GLDN: variants seen among roughly 807,000 people sequenced by gnomAD.
GLDN encodes collomin.
GLDN carries 47 observed loss-of-function variants against 56.5 expected under a neutral mutation model. The observed-to-expected ratio is 0.83, with a 90% CI of 0.66 to 1.06. The LOEUF (loss-of-function observed/expected upper bound fraction) is 1.06, where lower values mean the gene tolerates loss of function less well. GLDN is among the 50% of genes least tolerant of loss of function. GLDN has a pLI of 0.00. For missense variants in GLDN, 782 were observed against 714.3 expected (o/e 1.09, Z -1.08); for synonymous variants, 332 against 278.8 (o/e 1.19, Z -1.90).
At chr15:51,388,771 G>A in intron 4 of GLDN, among the ~76,000 whole-genome samples, 1 of 152,226 alleles carries the variant, frequency 6.6e-6, no homozygotes, top group Non-Finnish European at 1.5e-5. Context: ...GGGCCCTGTT[G>A]TGAGAGCAGG....
chr15:51,398,564 A>G (rs1361553758), intron 6 of GLDN, among the ~76,000 whole-genome samples: 2 of 152,262 alleles, frequency 1.3e-5, no homozygotes, highest in African/African-American at 2.4e-5. Context: ...TTTCCTAAAC[A>G]GTCTTGAGTT....
At chr15:51,397,625 A>G in intron 6 of GLDN, 27 bp downstream of exon 6, 1 of 1,527,626 alleles carries the variant, frequency 6.5e-7, no homozygotes, top group Non-Finnish European at 8.8e-7. Flanking sequence ...TACGGGGCCC[A>G]CCTCTTCTGT....
intron 4 of GLDN, among the ~76,000 whole-genome samples, chr15:51,388,077 C>T (rs1232645850): frequency 6.6e-6 from 1 of 152,148 alleles, no homozygotes. Context: ...GCCCAGAATG[C>T]CCTCTTCCTG....
intron 1 of GLDN, among the ~76,000 whole-genome samples, chr15:51,354,679 G>C (rs563279694): frequency 1.3e-5 from 2 of 152,218 alleles, no homozygotes; most frequent in Non-Finnish European, 2.9e-5. Context: ...GTACTGGAGA[G>C]TTTGGAGTAG....
At chr15:51,394,792 T>G (rs762036476) in intron 4 of GLDN, 43 bp from the exon 5 acceptor site, 5 of 1,611,778 alleles carry the variant, frequency 3.1e-6, no homozygotes, top group Non-Finnish European at 3.4e-6. Flanking sequence ...GTGCCAGAAC[T>G]TTTTGCACCA....
chr15:51,400,025 T>C (rs2038213900), intron 6 of GLDN, among the ~76,000 whole-genome samples, 167 bp from the exon 7 acceptor site: 1 of 152,216 alleles, frequency 6.6e-6, no homozygotes, highest in East Asian at 1.9e-4. Context: ...AAGGCTATGA[T>C]TTGGAGTTGC....
At position 51,405,379 on chromosome 15, in the gene GLDN, T is replaced by G. The variant is rs1000025062; in HGVS notation, c.*625T>G. On this transcript the variant is annotated 3_prime_UTR_variant, in exon 10 of 10. Coordinates refer to ENST00000335449, the MANE Select transcript of GLDN (RefSeq NM_181789.4). ...GCCAGGGACAGCTACATGTTCAGGT[T>G]TTTTTTTTTTTTTTTTTTTCAATAA... is the stretch of plus-strand genomic sequence containing the variant. The G allele has an allele frequency of 4.3e-5, 5 of 117,150 alleles. No homozygotes were observed. Among genetic ancestry groups the G allele is most frequent in the Non-Finnish European group, 8.7e-5 (5 of 57,524 alleles). 7.3% of individuals were successfully genotyped at this position (117,150 alleles called of 1,614,324 possible). A position where few individuals can be genotyped will look rare whatever the true frequency, so the allele number is the denominator to read the frequency against.
intron 1 of GLDN, among the ~76,000 whole-genome samples, chr15:51,345,321 G>GACAC (rs1416396633): frequency 6.6e-6 from 1 of 152,150 alleles, no homozygotes; most frequent in Non-Finnish European, 1.5e-5. Flanking sequence ...GAAGATATAA[G>GACAC]ACACTGAGAC....
Position 51,406,102 on chromosome 15 carries a change from G to A in GLDN, c.*1348G>A, listed in dbSNP as rs1466208820. ...ATGTGACTTGCGTTTTGAGTAGAGGGGAAGGCTGATAACGGCGTAAGATGA... is the reference window on the plus strand; with the variant it reads ...ATGTGACTTGCGTTTTGAGTAGAGGAGAAGGCTGATAACGGCGTAAGATGA... On this transcript the variant is annotated 3_prime_UTR_variant, in exon 10 of 10. Coordinates refer to ENST00000335449, the MANE Select transcript of GLDN (RefSeq NM_181789.4). 6.6e-6 allele frequency: 1 copy of A among 152,194 alleles called. No homozygotes were observed. The highest frequency in any genetic ancestry group is 1.5e-5 in the Non-Finnish European group (1 of 68,044). The allele number at this position is 152,194 out of a possible 1,614,324, so 9.4% of individuals were successfully genotyped here.
chr15:51,350,382 C>CTGA (rs1566934808), intron 1 of GLDN, among the ~76,000 whole-genome samples: 3 of 152,078 alleles, frequency 2.0e-5, no homozygotes, highest in South Asian at 4.2e-4. Flanking sequence ...GATTAGAGGC[C>CTGA]TGATACAGGA....
rs2038352441 is a variant in GLDN at position 51,405,262 on chromosome 15, A to G, written c.*508A>G. The G allele has an allele frequency of 6.5e-6, 1 of 154,226 alleles. No individual in the cohort carries two copies. The highest frequency in any genetic ancestry group is 1.4e-5 in the Non-Finnish European group (1 of 69,506). 9.6% of individuals were successfully genotyped at this position (154,226 alleles called of 1,614,324 possible). A position where few individuals can be genotyped will look rare whatever the true frequency, so the allele number is the denominator to read the frequency against. On this transcript the variant is annotated 3_prime_UTR_variant, in exon 10 of 10. Coordinates refer to ENST00000335449, the MANE Select transcript of GLDN (RefSeq NM_181789.4). Reference sequence around the variant, plus strand: ...AGACATCTAAAGTATCACATTATCCATAATTTATTGCTTTTCTTTGCATCT... The same window carrying G: ...AGACATCTAAAGTATCACATTATCCGTAATTTATTGCTTTTCTTTGCATCT...
At position 51,400,539 on chromosome 15, in the gene GLDN, T is replaced by G. The variant is rs150238396; in HGVS notation, c.1027+41T>G. 2.7e-5 allele frequency: 43 copies of G among 1,592,322 alleles called. No individual in the cohort carries two copies. The East Asian group carries it at 9.6e-4, about 36-fold the overall frequency. On this transcript the variant is annotated intron_variant, in intron 8 of 9. Coordinates refer to ENST00000335449, the MANE Select transcript of GLDN (RefSeq NM_181789.4). ...CTATGACCCATATCTGTGTGGTAAC[T>G]GTATTTTTCATCTGTTGCCTACCTT... is the stretch of plus-strand genomic sequence containing the variant.
In GLDN at chr15:51,400,517, T is replaced by G; in HGVS notation, c.1027+19T>G. 6.2e-7 allele frequency: 1 copy of G among 1,613,026 alleles called. No individual in the cohort carries two copies. The highest frequency in any genetic ancestry group is 1.1e-5 in the South Asian group (1 of 90,794). Reference sequence around the variant, plus strand: ...TTTTCAGGTACTTGCACTCGGCCTATGACCCATATCTGTGTGGTAACTGTA... The same window carrying G: ...TTTTCAGGTACTTGCACTCGGCCTAGGACCCATATCTGTGTGGTAACTGTA... On this transcript the variant is annotated intron_variant, in intron 8 of 9. Transcript: ENST00000335449.
chr15:51,343,884 T>C (rs1353234309), intron 1 of GLDN, among the ~76,000 whole-genome samples: 5 of 152,134 alleles, frequency 3.3e-5, no homozygotes. Context: ...GAATCTGCTT[T>C]ATTAGAAGTC....
intron 1 of GLDN, among the ~76,000 whole-genome samples, chr15:51,344,678 A>G (rs746672470): frequency 1.3e-5 from 2 of 152,184 alleles, no homozygotes; most frequent in African/African-American, 4.8e-5. Context: ...TTAGAGGTCT[A>G]GGAACGAAGA....
At chr15:51,383,353 AT>A in intron 2 of GLDN, 82 bp from the exon 3 acceptor site, 2 of 1,412,846 alleles carry the variant, frequency 1.4e-6, no homozygotes, top group South Asian at 2.3e-5. Flanking sequence ...TCAGTAGATA[AT>A]TAGGAGATTT....
chr15:51,383,665 G>A, intron 3 of GLDN, 120 bp from the exon 4 acceptor site: 1 of 936,802 alleles, frequency 1.1e-6, no homozygotes, highest in Non-Finnish European at 1.6e-6. Context: ...AAGTGGGAAA[G>A]GATGTGGAAA....
At chr15:51,395,471 G>A (rs1352330823) in intron 5 of GLDN, among the ~76,000 whole-genome samples, 2 of 152,150 alleles carry the variant, frequency 1.3e-5, no homozygotes, top group African/African-American at 2.4e-5. Context: ...AGATTCAAGA[G>A]CCAAAGAAGA....
At chr15:51,392,991 A>G (rs958359817) in intron 4 of GLDN, among the ~76,000 whole-genome samples, 7 of 152,184 alleles carry the variant, frequency 4.6e-5, no homozygotes, top group African/African-American at 1.7e-4. Flanking sequence ...AGATACCCTT[A>G]TCTTGTTTCT....
Sources: gnomAD v4.1 joint callset for allele counts (sites outside exome capture counted in the v4.1 genomes callset) on GRCh38, gnomAD v4.1.1 for gene constraint, MANE v1.5 for transcripts, NCBI Gene and HGNC (gene_info 2026-07-23, HGNC 2026-07-21) for gene names.